Variants in ITPR2 observed in about 807,000 individuals in gnomAD.
ITPR2 encodes the protein inositol 1,4,5-trisphosphate-gated calcium channel ITPR2.
Under a neutral mutation model 317.1 loss-of-function variants are expected in ITPR2, and 207 were observed. The observed-to-expected ratio is 0.65, with a 90% confidence interval of 0.58 to 0.73. The LOEUF (loss-of-function observed/expected upper bound fraction) is 0.73. Ranked by LOEUF, ITPR2 falls within the 30% of genes least tolerant of loss-of-function variation. The pLI, the probability that ITPR2 is intolerant of heterozygous loss-of-function variation, is 0.00. For missense variants in ITPR2, 2,613 were observed against 3,284.0 expected (o/e 0.80, Z 4.99); for synonymous variants, 1,156 against 1,149.1 (o/e 1.01, Z -0.12).
intron 54 of ITPR2, among the ~76,000 whole-genome samples, chr12:26,389,852 G>A (rs1178681956): frequency 6.6e-6 from 1 of 152,148 alleles, no homozygotes; most frequent in Non-Finnish European, 1.5e-5. Flanking sequence ...CAGCAAAGGA[G>A]AAAGAAATGT....
intron 10 of ITPR2, among the ~76,000 whole-genome samples, chr12:26,695,225 C>G (rs1948317665): frequency 6.6e-6 from 1 of 152,126 alleles, no homozygotes; most frequent in South Asian, 2.1e-4. Context: ...GAGATTTTGT[C>G]TGCATCACAT....
chr12:26,515,978 T>C (rs2136925636), intron 37 of ITPR2, among the ~76,000 whole-genome samples: 1 of 148,404 alleles, frequency 6.7e-6, no homozygotes, highest in Non-Finnish European at 1.5e-5. Context: ...AAGCTGGGTG[T>C]GGTGGTGTGG....
At chr12:26,565,498 ATAGATAGATAGATAG>A (rs1944930051) in intron 34 of ITPR2, among the ~76,000 whole-genome samples, 6 of 117,286 alleles carry the variant, frequency 5.1e-5, no homozygotes, top group Non-Finnish European at 1.1e-4. Flanking sequence ...AGATAGATAG[ATAGATAGATAGATAG>A]ATAGATAGAT....
At position 26,476,909 on chromosome 12, in the gene ITPR2, T is replaced by C; in HGVS notation, c.6219+3A>G. ...TTGACCAAGCTTTTAAAAGTTTTCT[T>C]ACCAGTTCTCTGGGTCTCATGTTAA... On this transcript the variant is annotated splice_donor_region_variant and intron_variant, in intron 44 of 56. Coordinates refer to ENST00000381340, the MANE Select transcript of ITPR2 (RefSeq NM_002223.4). The C allele has an allele frequency of 6.2e-7, 1 of 1,603,884 alleles. No individual in the cohort carries two copies. The highest frequency in any genetic ancestry group is 8.5e-7 in the Non-Finnish European group (1 of 1,171,146).
chr12:26,721,308 A>C (rs570974395), intron 5 of ITPR2: 2 of 617,442 alleles, frequency 3.2e-6, no homozygotes, highest in Admixed American at 2.2e-5. Context: ...TCACCAGATA[A>C]TTTATTAACC....
intron 37 of ITPR2, among the ~76,000 whole-genome samples, chr12:26,536,815 G>C (rs1944106256): frequency 6.6e-6 from 1 of 152,216 alleles, no homozygotes; most frequent in Admixed American, 6.5e-5. Flanking sequence ...GTCTTAGATG[G>C]ATGAGAGCAA....
rs539453303 is a variant in ITPR2, at chr12:26,757,690, C to T, written c.164-31925G>A. On this transcript the variant is annotated intron_variant, in intron 2 of 56. Coordinates refer to ENST00000381340, the MANE Select transcript of ITPR2 (RefSeq NM_002223.4). The stretch of plus-strand genomic sequence containing the variant: ...TGTGATAGGTTTATCAGGACATGTC[C>T]CCATTGTAATTCAAGGGACAACTGT... 5.4e-4 allele frequency among the ~76,000 whole-genome samples: 82 copies of T among 152,226 alleles called. 2 individuals are homozygous for T. In the South Asian group the frequency reaches 0.016, roughly 29 times the overall value.
At chr12:26,464,497 G>T (rs965440287) in intron 45 of ITPR2, among the ~76,000 whole-genome samples, 2 of 152,218 alleles carry the variant, frequency 1.3e-5, no homozygotes, top group East Asian at 3.8e-4. Context: ...CTCACCTCCT[G>T]CTGTGTGGCC....
intron 2 of ITPR2, among the ~76,000 whole-genome samples, chr12:26,781,061 T>C (rs1950066443): frequency 6.6e-6 from 1 of 152,228 alleles, no homozygotes; most frequent in Non-Finnish European, 1.5e-5. Context: ...CAGGAGATCC[T>C]TGGGGCATCT....
chr12:26,545,380 G>A (rs915559771), intron 37 of ITPR2, among the ~76,000 whole-genome samples: 1 of 152,080 alleles, frequency 6.6e-6, no homozygotes, highest in Non-Finnish European at 1.5e-5. Context: ...TTGTGGGAAG[G>A]GGGGCGGGAA....
At chr12:26,394,810 G>A (rs932562309) in intron 54 of ITPR2, among the ~76,000 whole-genome samples, 1 of 152,174 alleles carries the variant, frequency 6.6e-6, no homozygotes, top group South Asian at 2.1e-4. Context: ...GGAATGTGTG[G>A]AAGGATGTGG....
chr12:26,340,273 T>C lies in ITPR2; in HGVS notation c.7913A>G (p.Glu2638Gly). 2 of 1,611,252 alleles carry C rather than the reference T, an allele frequency of 1.2e-6. No homozygotes were observed. The highest frequency in any genetic ancestry group is 1.7e-6 in the Non-Finnish European group (2 of 1,178,728). ...RMRAMSLVSNEGDSEQNEIRS... is the reference protein window; with the variant it reads ...RMRAMSLVSNGGDSEQNEIRS... ...AATTTCATTTTGCTCACTGTCGCCT[T>C]CATTGCTAACGAGGGACATGGCTCG... The change falls in exon 56 of 57, where the codon GAA (glutamate) becomes GGA (glycine). Residue 2638 changes from glutamate to glycine, a missense_variant. By Grantham distance (98) the Glu-to-Gly change is moderately conservative. Around this residue, in one of 9 missense-constraint regions of ITPR2, gnomAD observed 119 missense variants for 144.3 expected, o/e 0.82. Coordinates refer to ENST00000381340, the MANE Select transcript of ITPR2 (RefSeq NM_002223.4).
At chr12:26,766,402 T>C (rs1353169352) in intron 2 of ITPR2, among the ~76,000 whole-genome samples, 2 of 152,186 alleles carry the variant, frequency 1.3e-5, no homozygotes, top group East Asian at 1.9e-4. Flanking sequence ...ATGCGTTTAC[T>C]AACCATTTTT....
intron 9 of ITPR2, among the ~76,000 whole-genome samples, chr12:26,702,165 C>T (rs1039718017): frequency 1.3e-5 from 2 of 151,998 alleles, no homozygotes; most frequent in African/African-American, 4.8e-5. Flanking sequence ...GACAAAGTGT[C>T]GATGAGTGTG....
At chr12:26,638,751 A>G (rs1678738801) in intron 21 of ITPR2, among the ~76,000 whole-genome samples, 1 of 152,176 alleles carries the variant, frequency 6.6e-6, no homozygotes, top group Admixed American at 6.5e-5. Flanking sequence ...ACAAGGGAGG[A>G]TGGCTAATAT....
chr12:26,448,001 T>TAAAA (rs139343922), intron 45 of ITPR2, among the ~76,000 whole-genome samples: 6 of 124,956 alleles, frequency 4.8e-5, no homozygotes, highest in Non-Finnish European at 4.8e-5. Flanking sequence ...TGACTTTTTT[T>TAAAA]TAAAAAAAAA....
chr12:26,463,425 G>A (rs1460669336), intron 45 of ITPR2, among the ~76,000 whole-genome samples: 1 of 152,130 alleles, frequency 6.6e-6, no homozygotes, highest in African/African-American at 2.4e-5. Context: ...CCAGCACTTT[G>A]GGAGGCTGAG....
intron 2 of ITPR2, among the ~76,000 whole-genome samples, chr12:26,784,181 A>G (rs1950146771): frequency 6.6e-6 from 1 of 152,036 alleles, no homozygotes; most frequent in South Asian, 2.1e-4. Context: ...AGAGAATTCT[A>G]TGTACGTTTT....
At chr12:26,691,899 T>C (rs1186763558) in intron 10 of ITPR2, among the ~76,000 whole-genome samples, 1 of 152,086 alleles carries the variant, frequency 6.6e-6, no homozygotes, top group East Asian at 1.9e-4. Context: ...ACTGACTTTA[T>C]GTAACCGCAC....
Sources: allele counts gnomAD v4.1 joint callset (sites outside exome capture counted in the v4.1 genomes callset), GRCh38; gene constraint gnomAD v4.1.1; regional missense constraint gnomAD v4.1.1; transcripts MANE v1.5; gene names NCBI Gene and HGNC (gene_info 2026-07-23, HGNC 2026-07-21).